WDR72: variants seen among roughly 807,000 people sequenced by gnomAD.
The protein encoded by WDR72 is WD repeat domain 72.
Under a neutral mutation model 124.2 loss-of-function variants are expected in WDR72, and 120 were observed. That is an observed-to-expected ratio of 0.97 (90% CI 0.83 to 1.12). The LOEUF (loss-of-function observed/expected upper bound fraction) is 1.12, where lower values mean the gene tolerates loss of function less well. Ranked by LOEUF, WDR72 falls within the 50% of genes most tolerant of loss-of-function variation. WDR72 has a pLI of 0.00. For synonymous variants in WDR72, 452 were observed against 441.7 expected (o/e 1.02, Z -0.29); for missense variants, 1,387 against 1,278.8 (o/e 1.08, Z -1.29).
chr15:53,758,054 T>C (rs567228698), intron 1 of WDR72, among the ~76,000 whole-genome samples: 1 of 151,886 alleles, frequency 6.6e-6, no homozygotes, highest in South Asian at 2.1e-4. Context: ...TAGCCTGGAG[T>C]ACAGTGAAGC....
At chr15:53,602,496 TAAAGGAG>T (rs2013087743) in intron 17 of WDR72, among the ~76,000 whole-genome samples, 1 of 150,914 alleles carries the variant, frequency 6.6e-6, no homozygotes, top group Non-Finnish European at 1.5e-5. Context: ...AGAGCTGAAC[TAAAGGAG>T]ATAACTCACA....
In WDR72 at chr15:53,739,649, C is replaced by T. The variant is rs190022302; in HGVS notation, c.-12-6488G>A. On this transcript the variant is annotated intron_variant, in intron 1 of 19. Transcript: ENST00000360509. ...AAGGACACACATGGGCGTGTTTTAA[C>T]ATTCTGCTCCTAAGAACTACTGCTC... Among the ~76,000 whole-genome samples the T allele has an allele frequency of 2.0e-5, 3 of 152,154 alleles. No individual in the cohort carries two copies. In the East Asian group the frequency reaches 6.0e-4, roughly 30 times the overall value.
At position 53,514,675 on chromosome 15, in the gene WDR72, T is replaced by C. The variant is rs981402763; in HGVS notation, c.*3024A>G. 1 of 152,154 alleles carries C rather than the reference T, an allele frequency of 6.6e-6. No homozygotes were observed. Among genetic ancestry groups the C allele is most frequent in the African/African-American group, 2.4e-5 (1 of 41,440 alleles). The allele number at this position is 152,154 out of a possible 1,614,324, so 9.4% of individuals were successfully genotyped here. Reference sequence around the variant, plus strand: ...TAGTTTCTAAAATAGTAACAGAATGTTTGATACCTGGGGCTACTTTTTAAC... The same window carrying C: ...TAGTTTCTAAAATAGTAACAGAATGCTTGATACCTGGGGCTACTTTTTAAC... On this transcript the variant is annotated 3_prime_UTR_variant, in exon 20 of 20. Transcript: ENST00000360509.
chr15:53,721,205 A>G (rs1360780552), intron 3 of WDR72, among the ~76,000 whole-genome samples: 1 of 152,204 alleles, frequency 6.6e-6, no homozygotes, highest in Non-Finnish European at 1.5e-5. Context: ...CTAGACTCCC[A>G]GGCTCTTCAA....
At chr15:53,726,208 ATATATG>A (rs1348882767) in intron 2 of WDR72, among the ~76,000 whole-genome samples, 2 of 138,728 alleles carry the variant, frequency 1.4e-5, no homozygotes, top group African/African-American at 6.2e-5. Context: ...GTGTGTATAT[ATATATG>A]TATGTGTATA....
In WDR72 at chr15:53,693,724, G is replaced by A. The variant is rs551214928; in HGVS notation, c.1765+6026C>T. On this transcript the variant is annotated intron_variant, in intron 13 of 19. Transcript: ENST00000360509. ...GAAGTTTTGACTTCTTACTGGCAAG[G>A]CAAAAAAAGAAAATTTAACACCTGT... Among the ~76,000 whole-genome samples, 523 of 152,168 alleles carry A rather than the reference G, an allele frequency of 3.4e-3. 6 individuals are homozygous for A. Among genetic ancestry groups the A allele is most frequent in the South Asian group, 0.028 (137 of 4,828 alleles).
intron 7 of WDR72, among the ~76,000 whole-genome samples, chr15:53,712,489 G>A (rs2017569422): frequency 6.6e-6 from 1 of 150,968 alleles, no homozygotes; most frequent in South Asian, 2.1e-4. Context: ...CCAGCTACTA[G>A]GAGGCTGAGG....
At chr15:53,637,542 A>C (rs769490272) in intron 14 of WDR72, among the ~76,000 whole-genome samples, 4 of 152,212 alleles carry the variant, frequency 2.6e-5, no homozygotes, top group Non-Finnish European at 5.9e-5. Flanking sequence ...TGGCATATCC[A>C]GGCTTCCAGT....
chr15:53,528,417 TTATAAC>T (rs1566943389), intron 18 of WDR72, among the ~76,000 whole-genome samples: 1 of 152,212 alleles, frequency 6.6e-6, no homozygotes, highest in East Asian at 1.9e-4. Flanking sequence ...TAACGCTTCT[TTATAAC>T]TAATAACTAT....
At chr15:53,663,870 T>C (rs2015690114) in intron 14 of WDR72, among the ~76,000 whole-genome samples, 1 of 145,322 alleles carries the variant, frequency 6.9e-6, no homozygotes, top group Admixed American at 6.7e-5. Flanking sequence ...CTGTTAATGT[T>C]GAAGTTTCAA....
At chr15:53,579,873 G>C (rs1362103409) in intron 18 of WDR72, among the ~76,000 whole-genome samples, 3 of 152,068 alleles carry the variant, frequency 2.0e-5, no homozygotes, top group African/African-American at 7.2e-5. Flanking sequence ...AAAGATCAAG[G>C]GCTGGGGCCA....
In WDR72 at chr15:53,665,342, T is replaced by G. The variant is rs56396864; in HGVS notation, c.1962+230A>C. On this transcript the variant is annotated intron_variant, in intron 14 of 19. Coordinates refer to ENST00000360509, the MANE Select transcript of WDR72 (RefSeq NM_182758.4). ...CTAGGATTCAAGGGTTAATATAAAA[T>G]TGACTCAATTTTGATAAGCCAGAAC... Among the ~76,000 whole-genome samples the G allele has an allele frequency of 0.22, 33,533 of 152,078 alleles. 4,062 individuals carry two copies. Among genetic ancestry groups the G allele is most frequent in the East Asian group, 0.46 (2,366 of 5,170 alleles).
At chr15:53,645,594 TAAGA>T (rs1160085653) in intron 14 of WDR72, among the ~76,000 whole-genome samples, 3 of 152,174 alleles carry the variant, frequency 2.0e-5, no homozygotes, top group Admixed American at 2.0e-4. Context: ...AATGATGTAC[TAAGA>T]AAGATATGCT....
chr15:53,716,548 A>G (rs2017713079), intron 4 of WDR72, 59 bp downstream of exon 4: 2 of 1,125,912 alleles, frequency 1.8e-6, no homozygotes, highest in Admixed American at 3.4e-5. Context: ...GTGTATTTGC[A>G]AATGCCCTAA....
At chr15:53,588,701 TA>T (rs1334087151) in intron 18 of WDR72, among the ~76,000 whole-genome samples, 1 of 152,060 alleles carries the variant, frequency 6.6e-6, no homozygotes, top group Non-Finnish European at 1.5e-5. Context: ...CAAAGCTCTC[TA>T]AATCAGTTGT....
intron 18 of WDR72, among the ~76,000 whole-genome samples, chr15:53,564,321 A>G (rs2140297431): frequency 6.6e-6 from 1 of 151,974 alleles, no homozygotes; most frequent in East Asian, 1.9e-4. Context: ...TGTTTCTCAT[A>G]ATTTAAATTT....
At chr15:53,527,304 CGTT>C (rs1892176693) in intron 18 of WDR72, among the ~76,000 whole-genome samples, 1 of 152,018 alleles carries the variant, frequency 6.6e-6, no homozygotes, top group African/African-American at 2.4e-5. Flanking sequence ...CTAAAAATTC[CGTT>C]CTTCCTTTTC....
intron 17 of WDR72, among the ~76,000 whole-genome samples, chr15:53,598,240 T>A (rs1252576237): frequency 6.6e-6 from 1 of 151,890 alleles, no homozygotes; most frequent in Non-Finnish European, 1.5e-5. Flanking sequence ...CCAGTGCCTT[T>A]CATATAGCTA....
At chr15:53,668,979 G>A (rs1390467853) in intron 13 of WDR72, among the ~76,000 whole-genome samples, 1 of 120,952 alleles carries the variant, frequency 8.3e-6, no homozygotes, top group African/African-American at 2.7e-5. Flanking sequence ...AGGAGGAGGA[G>A]AAGGAGAAGG....
Sources: allele counts gnomAD v4.1 joint callset (sites outside exome capture counted in the v4.1 genomes callset), GRCh38; gene constraint gnomAD v4.1.1; transcripts MANE v1.5; gene names NCBI Gene and HGNC (gene_info 2026-07-23, HGNC 2026-07-21).